The following AKT3 variants were observed in gnomAD, a reference collection of about 807,000 sequenced individuals.
AKT3 encodes the protein AKT serine/threonine kinase 3, also known as RAC-gamma serine/threonine-protein kinase.
In AKT3, 15 loss-of-function variants were observed where a neutral mutation model predicts 65.3. That is an observed-to-expected ratio of 0.23 (90% CI 0.15 to 0.35). The LOEUF is 0.35. Ranked by LOEUF, AKT3 falls within the 10% of genes least tolerant of loss-of-function variation. AKT3 has a pLI of 1.00. For missense variants in AKT3, 243 were observed against 576.5 expected, an observed-to-expected ratio of 0.42 and a Z score of 5.92; for synonymous variants, 206 against 183.8, an observed-to-expected ratio of 1.12 and a Z score of -0.98.
intron 6 of AKT3, among the ~76,000 whole-genome samples, chr1:243,629,175 C>G (rs1679405684): frequency 6.6e-6 from 1 of 152,160 alleles, no homozygotes; most frequent in African/African-American, 2.4e-5. Context: ...ACTTGGGAGG[C>G]TGAGGCAGGA....
intron 2 of AKT3, chr1:243,818,051 T>C (rs545651949): frequency 6.6e-6 from 1 of 152,240 alleles, no homozygotes; most frequent in Non-Finnish European, 1.5e-5. Context: ...GGACTTACTA[T>C]GCACAAGGAA....
At chr1:243,663,502 C>T (rs902025093) in intron 4 of AKT3, among the ~76,000 whole-genome samples, 28 of 151,920 alleles carry the variant, frequency 1.8e-4, no homozygotes, top group Admixed American at 2.6e-4. Context: ...GGTAAGAGTT[C>T]GGGGACCCAT....
chr1:243,823,157 C>G (rs913394476), intron 2 of AKT3, among the ~76,000 whole-genome samples: 19 of 151,564 alleles, frequency 1.3e-4, no homozygotes, highest in African/African-American at 4.4e-4. Context: ...TTCATTACAT[C>G]AACAGAACTA....
At chr1:243,531,720 CTTAAA>C (rs1447264178) in intron 12 of AKT3, among the ~76,000 whole-genome samples, 2 of 152,258 alleles carry the variant, frequency 1.3e-5, no homozygotes, top group African/African-American at 2.4e-5. Context: ...GTACTCTCAT[CTTAAA>C]TTAAATATCC....
At chr1:243,849,386 A>AACCCCCC (rs1695655077) in intron 1 of AKT3, among the ~76,000 whole-genome samples, 2 of 107,020 alleles carry the variant, frequency 1.9e-5, no homozygotes, top group Admixed American at 1.0e-4. Flanking sequence ...CCACACACAC[A>AACCCCCC]CCCCCCCCCC....
intron 2 of AKT3, among the ~76,000 whole-genome samples, chr1:243,841,982 T>TTC (rs1695268148): frequency 6.6e-6 from 1 of 152,172 alleles, no homozygotes; most frequent in Non-Finnish European, 1.5e-5. Flanking sequence ...TAACAGCAGA[T>TTC]AAAGTGGTTG....
intron 8 of AKT3, among the ~76,000 whole-genome samples, chr1:243,596,413 C>T (rs555380088): frequency 6.6e-6 from 1 of 152,068 alleles, no homozygotes; most frequent in African/African-American, 2.4e-5. Flanking sequence ...GATGAACAAC[C>T]GAATAATAGG....
At chr1:243,720,935 C>A (rs1686856354) in intron 2 of AKT3, among the ~76,000 whole-genome samples, 1 of 152,072 alleles carries the variant, frequency 6.6e-6, no homozygotes, top group Admixed American at 6.6e-5. Context: ...AACAATACTC[C>A]AAAATATGGC....
At chr1:243,499,232 CAT>C (rs918535253), downstream of AKT3, among the ~76,000 whole-genome samples, 8 of 152,226 alleles carry the variant, frequency 5.3e-5, no homozygotes, top group African/African-American at 1.2e-4. Context: ...TCTTCCAACA[CAT>C]GTGAGGTTTC....
At chr1:243,498,883 C>T (rs1040865973), downstream of AKT3, among the ~76,000 whole-genome samples, 1 of 152,218 alleles carries the variant, frequency 6.6e-6, no homozygotes, top group African/African-American at 2.4e-5. Flanking sequence ...CAGTGCGTCC[C>T]AATTTATCTG....
chr1:243,582,866 C>T (rs1175982501), intron 8 of AKT3, among the ~76,000 whole-genome samples: 1 of 151,718 alleles, frequency 6.6e-6, no homozygotes, highest in African/African-American at 2.4e-5. Context: ...TCAAGAGACC[C>T]ATCTTATATA....
At chr1:243,765,500 G>A (rs1027447334) in intron 2 of AKT3, among the ~76,000 whole-genome samples, 2 of 152,046 alleles carry the variant, frequency 1.3e-5, no homozygotes, top group South Asian at 2.1e-4. Flanking sequence ...TTTATTGAGC[G>A]AAGAACAAAA....
intron 1 of AKT3, chr1:243,843,590 G>A (rs1695378333): frequency 9.9e-7 from 1 of 1,006,872 alleles, no homozygotes; most frequent in Non-Finnish European, 1.2e-6. Flanking sequence ...TTGAGGTGAA[G>A]AGGGAAGAGA....
chr1:243,800,488 G>A (rs893104583), intron 2 of AKT3, among the ~76,000 whole-genome samples: 21 of 152,328 alleles, frequency 1.4e-4, no homozygotes, highest in South Asian at 8.3e-4. Flanking sequence ...GGTAGGCCAA[G>A]GTGGGCGGAT....
chr1:243,599,273 T>A (rs1357732526), intron 8 of AKT3, among the ~76,000 whole-genome samples: 41 of 152,136 alleles, frequency 2.7e-4, no homozygotes, highest in Non-Finnish European at 1.5e-5. Flanking sequence ...TGAAAATGTA[T>A]ACCAACACAA....
downstream of AKT3, among the ~76,000 whole-genome samples, chr1:243,496,546 C>CA (rs2148310933): frequency 6.6e-6 from 1 of 152,128 alleles, no homozygotes; most frequent in East Asian, 1.9e-4. Flanking sequence ...GAGCGGACAG[C>CA]AGGGGGGGAA....
chr1:243,849,050 T>C lies in AKT3; in HGVS notation c.-113+990A>G, dbSNP rs905906351. The stretch of plus-strand genomic sequence containing the variant: ...AGATTCTTTATCTCTAGGCTAACTG[T>C]AGATTCCCGGGAAATCCCAAACAAG... On this transcript the variant is annotated intron_variant, in intron 1 of 13. Transcript: ENST00000673466. Among the ~76,000 whole-genome samples, 14 of 152,318 alleles carry C rather than the reference T, an allele frequency of 9.2e-5. No individual in the cohort carries two copies. The East Asian group carries it at 2.7e-3, about 29-fold the overall frequency.
chr1:243,668,555 T>G (rs922270359), intron 3 of AKT3, among the ~76,000 whole-genome samples: 1 of 152,054 alleles, frequency 6.6e-6, no homozygotes, highest in East Asian at 1.9e-4. Flanking sequence ...AAAGTACAAA[T>G]AGGCTAAGGA....
At chr1:243,740,231 G>T (rs1688069687) in intron 2 of AKT3, among the ~76,000 whole-genome samples, 1 of 152,130 alleles carries the variant, frequency 6.6e-6, no homozygotes, top group Non-Finnish European at 1.5e-5. Flanking sequence ...AATACTTTGT[G>T]TTTTATAGGT....
Sources: gnomAD v4.1 joint callset for allele counts (sites outside exome capture counted in the v4.1 genomes callset) on GRCh38, gnomAD v4.1.1 for gene constraint, MANE v1.5 for transcripts, NCBI Gene and HGNC (gene_info 2026-07-23, HGNC 2026-07-21) for gene names.